Variants in VPS8 observed in about 807,000 individuals in gnomAD.
VPS8 encodes VPS8 subunit of CORVET complex.
A neutral mutation model predicts 216.4 loss-of-function variants in VPS8; 129 were observed. That is an observed-to-expected ratio of 0.60 (90% CI 0.52 to 0.69). The LOEUF (loss-of-function observed/expected upper bound fraction) is 0.69, where lower values mean the gene tolerates loss of function less well. Among genes scored for constraint, VPS8 ranks in the 30% least tolerant of loss-of-function variants. The pLI is 0.00. For missense variants in VPS8, 1,531 were observed against 1,683.5 expected (o/e 0.91, Z 1.59); for synonymous variants, 571 against 565.4 (o/e 1.01, Z -0.14).
At chr3:185,045,588 T>C (rs1712687644) in intron 46 of VPS8, among the ~76,000 whole-genome samples, 2 of 152,062 alleles carry the variant, frequency 1.3e-5, no homozygotes, top group African/African-American at 4.8e-5. Flanking sequence ...CTGACCAACA[T>C]GGTGAAACCC....
At chr3:184,939,998 G>A (rs1190550017) in intron 35 of VPS8, among the ~76,000 whole-genome samples, 199 bp from the exon 36 acceptor site, 1 of 152,092 alleles carries the variant, frequency 6.6e-6, no homozygotes, top group African/African-American at 2.4e-5. Flanking sequence ...AGAAGTGAAT[G>A]TGCGACAGTG....
intron 46 of VPS8, among the ~76,000 whole-genome samples, chr3:185,047,813 ATCCAGATTC>A (rs1374426575): frequency 6.6e-6 from 1 of 152,166 alleles, no homozygotes; most frequent in Non-Finnish European, 1.5e-5. Flanking sequence ...CAGAACTAGT[ATCCAGATTC>A]TCCTCTGACT....
intron 46 of VPS8, among the ~76,000 whole-genome samples, chr3:185,031,069 T>TTTTTG (rs1758071919): frequency 7.1e-6 from 1 of 140,476 alleles, no homozygotes; most frequent in African/African-American, 2.8e-5. Context: ...TGGCGTTTTT[T>TTTTTG]TTTTTTTTTT....
intron 1 of VPS8, chr3:184,816,327 A>G (rs1029552274): frequency 6.6e-6 from 1 of 152,184 alleles, no homozygotes; most frequent in African/African-American, 2.4e-5. Flanking sequence ...TTGTCTGACA[A>G]TTCATAGCAG....
chr3:184,923,093 G>C (rs1738937347), intron 29 of VPS8, among the ~76,000 whole-genome samples: 1 of 152,104 alleles, frequency 6.6e-6, no homozygotes, highest in Non-Finnish European at 1.5e-5. Context: ...CAAGAAGTAG[G>C]TCAAAAGCTA....
chr3:184,914,214 G>A (rs1737090234), intron 26 of VPS8, among the ~76,000 whole-genome samples: 1 of 152,126 alleles, frequency 6.6e-6, no homozygotes, highest in Non-Finnish European at 1.5e-5. Context: ...TTTCACACTT[G>A]TTACATTGAT....
intron 42 of VPS8, among the ~76,000 whole-genome samples, chr3:184,988,714 A>G (rs1751474599): frequency 6.6e-6 from 1 of 152,228 alleles, no homozygotes; most frequent in Non-Finnish European, 1.5e-5. Flanking sequence ...TTTGATTAGG[A>G]ATACATTGAA....
At chr3:184,852,790 C>A (rs924923785) in intron 11 of VPS8, among the ~76,000 whole-genome samples, 1 of 152,138 alleles carries the variant, frequency 6.6e-6, no homozygotes, top group East Asian at 1.9e-4. Context: ...TTCTAGACTC[C>A]TACTCCCCAG....
At chr3:184,957,302 G>T in intron 36 of VPS8, 72 bp from the exon 37 acceptor site, 1 of 1,454,424 alleles carries the variant, frequency 6.9e-7, no homozygotes, top group Admixed American at 2.2e-5. Context: ...GCTTTTTACT[G>T]GTAGCTTTTA....
intron 21 of VPS8, among the ~76,000 whole-genome samples, chr3:184,883,766 A>G (rs1355115887): frequency 6.6e-6 from 1 of 152,166 alleles, no homozygotes; most frequent in African/African-American, 2.4e-5. Flanking sequence ...CAGTATATCC[A>G]TAGTACTTAG....
rs1357022151 is a variant in VPS8 at position 184,824,823 on chromosome 3, C to T, written c.153+38C>T. 4 of 1,556,170 alleles carry T rather than the reference C, an allele frequency of 2.6e-6. No individual in the cohort carries two copies. In the Admixed American group the frequency reaches 7.6e-5, roughly 30 times the overall value. The stretch of plus-strand genomic sequence containing the variant: ...ATTTCTGTCAAGTGATAATGTTTAA[C>T]CAGTGTAGATTAGAGTATGCTTTGT... On this transcript the variant is annotated intron_variant, in intron 2 of 47. Coordinates refer to ENST00000625842, the MANE Select transcript of VPS8 (RefSeq NM_001009921.3).
chr3:184,859,218 A>G (rs552379205), intron 14 of VPS8, among the ~76,000 whole-genome samples: 2 of 152,284 alleles, frequency 1.3e-5, no homozygotes, highest in South Asian at 2.1e-4. Context: ...CTTCACCTTC[A>G]ACATCATCTC....
chr3:184,947,485 C>T (rs1349162636), intron 36 of VPS8, among the ~76,000 whole-genome samples: 1 of 151,528 alleles, frequency 6.6e-6, no homozygotes, highest in Non-Finnish European at 1.5e-5. Context: ...GTCTTTTAGT[C>T]CTGAGAATTA....
intron 22 of VPS8, among the ~76,000 whole-genome samples, chr3:184,893,878 A>C (rs1732834898): frequency 1.3e-5 from 2 of 152,240 alleles, no homozygotes. Context: ...GTATTGTGTT[A>C]GACAAAATGG....
intron 1 of VPS8, among the ~76,000 whole-genome samples, chr3:184,821,085 C>G (rs1280056016): frequency 1.3e-5 from 2 of 152,154 alleles, no homozygotes; most frequent in Non-Finnish European, 2.9e-5. Context: ...AATGTAATAG[C>G]TAATATCTGT....
At chr3:184,953,517 G>A (rs1745072058) in intron 36 of VPS8, among the ~76,000 whole-genome samples, 1 of 152,146 alleles carries the variant, frequency 6.6e-6, no homozygotes, top group South Asian at 2.1e-4. Flanking sequence ...CCTTTAGGAA[G>A]CAATCTAGAG....
chr3:185,008,571 A>C (rs1183309192), intron 45 of VPS8, among the ~76,000 whole-genome samples: 2 of 152,218 alleles, frequency 1.3e-5, no homozygotes, highest in Non-Finnish European at 2.9e-5. Context: ...AGGGAAACGT[A>C]CGTTAGGTGG....
At chr3:184,852,328 C>G (rs941533786) in intron 10 of VPS8, among the ~76,000 whole-genome samples, 172 bp from the exon 11 acceptor site, 21 of 152,010 alleles carry the variant, frequency 1.4e-4, no homozygotes, top group African/African-American at 4.6e-4. Flanking sequence ...CATTATTACT[C>G]TAAATAAAGG....
chr3:184,857,015 C>T (rs1725385264), intron 14 of VPS8, among the ~76,000 whole-genome samples: 1 of 152,222 alleles, frequency 6.6e-6, no homozygotes, highest in African/African-American at 2.4e-5. Context: ...AGCCATTGTG[C>T]TTGGCCACAT....
Sources: gnomAD v4.1 joint callset for allele counts (sites outside exome capture counted in the v4.1 genomes callset) on GRCh38, gnomAD v4.1.1 for gene constraint, MANE v1.5 for transcripts, NCBI Gene and HGNC (gene_info 2026-07-23, HGNC 2026-07-21) for gene names.